The following SEZ6L variants were observed in gnomAD, a reference collection of about 807,000 sequenced individuals.
The protein encoded by SEZ6L is seizure 6-like protein.
SEZ6L carries 37 observed loss-of-function variants against 106.2 expected under a neutral mutation model. The ratio of observed to expected loss-of-function variants is 0.35; its 90% CI spans 0.27 to 0.46. SEZ6L has a LOEUF of 0.46. Among genes scored for constraint, SEZ6L ranks in the 20% least tolerant of loss-of-function variants. SEZ6L has a pLI of 1.00. For synonymous variants in SEZ6L, 541 were observed against 570.4 expected, an observed-to-expected ratio of 0.95 and a Z score of 0.73; for missense variants, 1,172 against 1,332.8, an observed-to-expected ratio of 0.88 and a Z score of 1.88.
intron 1 of SEZ6L, among the ~76,000 whole-genome samples, chr22:26,280,560 A>C (rs1458954382): frequency 6.6e-6 from 1 of 152,150 alleles, no homozygotes; most frequent in Non-Finnish European, 1.5e-5. Context: ...CTTTATTGCT[A>C]GTAGGACTAA....
intron 1 of SEZ6L, among the ~76,000 whole-genome samples, chr22:26,184,045 C>T (rs1488046759): frequency 6.6e-6 from 1 of 152,138 alleles, no homozygotes; most frequent in Admixed American, 6.5e-5. Flanking sequence ...GAAACTCCAC[C>T]ATGGAACAGT....
chr22:26,349,970 G>C (rs2083218032), intron 11 of SEZ6L, among the ~76,000 whole-genome samples: 1 of 152,010 alleles, frequency 6.6e-6, no homozygotes, highest in African/African-American at 2.4e-5. Context: ...CAGCACTACA[G>C]AGAAAGCAGT....
chr22:26,311,360 G>A (rs1396328103), intron 7 of SEZ6L, among the ~76,000 whole-genome samples: 3 of 152,186 alleles, frequency 2.0e-5, no homozygotes, highest in Non-Finnish European at 2.9e-5. Context: ...GGTTCGCTGG[G>A]CATTTCATGT....
chr22:26,189,064 G>A (rs1939999118), intron 1 of SEZ6L, among the ~76,000 whole-genome samples: 1 of 152,134 alleles, frequency 6.6e-6, no homozygotes, highest in African/African-American at 2.4e-5. Context: ...GAGGATTTTT[G>A]TTATAAGTCA....
At position 26,375,745 on chromosome 22, in the gene SEZ6L, G is replaced by A. The variant is rs577425441; in HGVS notation, c.2942+56G>A. 16 of 1,355,742 alleles carry A rather than the reference G, an allele frequency of 1.2e-5. No homozygotes were observed. The East Asian group carries it at 3.7e-4, about 32-fold the overall frequency. The allele number at this position is 1,355,742 out of a possible 1,614,324, so 84.0% of individuals were successfully genotyped here. ...AGCACCCAGCCACCAGTACTCAGAG[G>A]GACTGGGCGGTTCACCTCTCTGAGC... is the stretch of plus-strand genomic sequence containing the variant. On this transcript the variant is annotated intron_variant, in intron 15 of 16. Transcript: ENST00000248933.
At chr22:26,238,274 T>C (rs548414274) in intron 1 of SEZ6L, among the ~76,000 whole-genome samples, 2 of 152,334 alleles carry the variant, frequency 1.3e-5, no homozygotes, top group South Asian at 4.1e-4. Context: ...GGCTGGTATT[T>C]TGTACGGACC....
chr22:26,217,933 T>A (rs2078345660), intron 1 of SEZ6L, among the ~76,000 whole-genome samples: 1 of 152,220 alleles, frequency 6.6e-6, no homozygotes, highest in South Asian at 2.1e-4. Flanking sequence ...CGACAAGAAA[T>A]GAACACAGAC....
intron 1 of SEZ6L, among the ~76,000 whole-genome samples, chr22:26,235,823 C>T (rs2078940275): frequency 6.6e-6 from 1 of 152,318 alleles, no homozygotes; most frequent in African/African-American, 2.4e-5. Flanking sequence ...GAGTCTGCTT[C>T]ATCCGGAGGG....
chr22:26,223,761 G>A (rs183826330), intron 1 of SEZ6L, among the ~76,000 whole-genome samples: 1 of 152,234 alleles, frequency 6.6e-6, no homozygotes, highest in African/African-American at 2.4e-5. Context: ...TGCCCTCAAT[G>A]AATATCAACA....
At chr22:26,267,065 A>G (rs756909931) in intron 1 of SEZ6L, among the ~76,000 whole-genome samples, 8 of 152,238 alleles carry the variant, frequency 5.3e-5, no homozygotes, top group Non-Finnish European at 1.2e-4. Context: ...TCAAAATAAT[A>G]TAATTAAACC....
chr22:26,243,579 T>C (rs1323862231), intron 1 of SEZ6L, among the ~76,000 whole-genome samples: 1 of 152,178 alleles, frequency 6.6e-6, no homozygotes, highest in African/African-American at 2.4e-5. Flanking sequence ...AGCAGAACAA[T>C]CATCTTAGAG....
chr22:26,187,662 G>A lies in SEZ6L; in HGVS notation c.94+17899G>A, dbSNP rs558890725. On this transcript the variant is annotated intron_variant, in intron 1 of 16. Coordinates refer to ENST00000248933, the MANE Select transcript of SEZ6L (RefSeq NM_021115.5). Reference sequence around the variant, plus strand: ...TACAGAAAAAGCAGCAGAGAGGAGAGGAAAAGAATATAAATTTGGGCAAAT... The same window carrying A: ...TACAGAAAAAGCAGCAGAGAGGAGAAGAAAAGAATATAAATTTGGGCAAAT... Among the ~76,000 whole-genome samples the A allele has an allele frequency of 1.4e-4, 22 of 152,186 alleles. 1 individual carries two copies. In the South Asian group the frequency reaches 4.6e-3, roughly 32 times the overall value.
At chr22:26,348,937 G>A (rs2083182242) in intron 11 of SEZ6L, among the ~76,000 whole-genome samples, 1 of 130,452 alleles carries the variant, frequency 7.7e-6, no homozygotes, top group Admixed American at 7.6e-5. Flanking sequence ...GGAAGGAAGG[G>A]AGGGAGGGAA....
chr22:26,211,976 A>G (rs187944352), intron 1 of SEZ6L, among the ~76,000 whole-genome samples: 5 of 152,238 alleles, frequency 3.3e-5, no homozygotes, highest in East Asian at 3.9e-4. Flanking sequence ...ATTCATTTGC[A>G]TAACAGGGAT....
intron 1 of SEZ6L, among the ~76,000 whole-genome samples, chr22:26,247,408 G>A (rs755177680): frequency 1.1e-4 from 17 of 152,254 alleles, no homozygotes; most frequent in African/African-American, 3.4e-4. Flanking sequence ...GATGTAATTC[G>A]TCAGATGGGG....
rs916728193 is a variant in SEZ6L, at chr22:26,207,145, C to CTGTTT, written c.94+37399_94+37403dup. 9.2e-5 allele frequency among the ~76,000 whole-genome samples: 14 copies of CTGTTT among 152,210 alleles called. No homozygotes were observed. In the South Asian group the frequency reaches 1.0e-3, roughly 11 times the overall value. ...ATTTTTCTCTTATGGTGCTCTTTTT[C>CTGTTT]TGTTTTGTTTTGTTTTGTTTTCAAG... On this transcript the variant is annotated intron_variant, in intron 1 of 16. Coordinates refer to ENST00000248933, the MANE Select transcript of SEZ6L (RefSeq NM_021115.5).
chr22:26,310,596 C>A, intron 6 of SEZ6L, 74 bp from the exon 7 acceptor site: 1 of 1,520,640 alleles, frequency 6.6e-7, no homozygotes, highest in Non-Finnish European at 9.1e-7. Context: ...GCAGTCGTAG[C>A]ACATCCCTTC....
At chr22:26,346,874 A>G (rs942825446) in intron 10 of SEZ6L, among the ~76,000 whole-genome samples, 23 of 152,132 alleles carry the variant, frequency 1.5e-4, no homozygotes, top group Admixed American at 3.3e-4. Context: ...GCAACCTCCT[A>G]TTCAGTGTTG....
At chr22:26,193,769 T>C (rs980559972) in intron 1 of SEZ6L, among the ~76,000 whole-genome samples, 1 of 152,208 alleles carries the variant, frequency 6.6e-6, no homozygotes, top group Non-Finnish European at 1.5e-5. Context: ...CGTCTGTTGC[T>C]ATTGGACCAA....
Sources: gnomAD v4.1 joint callset for allele counts (sites outside exome capture counted in the v4.1 genomes callset) on GRCh38, gnomAD v4.1.1 for gene constraint, MANE v1.5 for transcripts, NCBI Gene and HGNC (gene_info 2026-07-23, HGNC 2026-07-21) for gene names.